Variants in MEIS1 observed in about 807,000 individuals in gnomAD.
MEIS1 encodes the protein homeobox protein Meis1.
In MEIS1, 5 loss-of-function variants were observed where a neutral mutation model predicts 50.8. That is an observed-to-expected ratio of 0.10 (90% CI 0.05 to 0.21). The LOEUF (loss-of-function observed/expected upper bound fraction) is 0.21, where lower values mean the gene tolerates loss of function less well. Ranked by LOEUF, MEIS1 falls within the 10% of genes least tolerant of loss-of-function variation. The pLI, the probability that MEIS1 is intolerant of heterozygous loss-of-function variation, is 1.00. For missense variants in MEIS1, 318 were observed against 517.3 expected (o/e 0.61, Z 3.74); for synonymous variants, 176 against 179.3 (o/e 0.98, Z 0.15).
intron 9 of MEIS1, among the ~76,000 whole-genome samples, chr2:66,564,939 A>G (rs1675309889): frequency 6.6e-6 from 1 of 151,918 alleles, no homozygotes; most frequent in African/African-American, 2.4e-5. Context: ...TTGCACCAAC[A>G]TAAATATTTT....
intron 12 of MEIS1, 36 bp from the exon 13 acceptor site, chr2:66,571,210 T>A: frequency 1.9e-6 from 3 of 1,544,476 alleles, no homozygotes; most frequent in Non-Finnish European, 2.6e-6. Context: ...TTTCATAACA[T>A]TTTCTTTTTG....
At chr2:66,570,959 C>T in intron 12 of MEIS1, 1 of 347,826 alleles carries the variant, frequency 2.9e-6, no homozygotes, top group African/African-American at 2.2e-5. Context: ...AAAAGTGCTT[C>T]TTCAGACCAG....
rs570968899 is a variant in MEIS1, at chr2:66,475,123, C to CAT, written c.742+10913_742+10914dup. Among the ~76,000 whole-genome samples the CAT allele has an allele frequency of 7.9e-3, 1,021 of 128,992 alleles. 13 individuals are homozygous for CAT. The highest frequency in any genetic ancestry group is 0.035 in the African/African-American group (974 of 27,812). The allele number at this position is 128,992 out of a possible 152,430, so 84.6% of individuals were successfully genotyped here. ...AAAAGGATATATTGATTTTAAAATG[C>CAT]ATATATATATACACATATATATATA... is the stretch of plus-strand genomic sequence containing the variant. On this transcript the variant is annotated intron_variant, in intron 7 of 12. Transcript: ENST00000272369.
At chr2:66,484,995 TG>T (rs1462050116) in intron 7 of MEIS1, among the ~76,000 whole-genome samples, 1 of 152,146 alleles carries the variant, frequency 6.6e-6, no homozygotes, top group Non-Finnish European at 1.5e-5. Context: ...AGATTTTTTT[TG>T]GGGGGAAGTT....
At chr2:66,512,123 CA>C in intron 7 of MEIS1, 25 bp from the exon 8 acceptor site, 5 of 1,531,360 alleles carry the variant, frequency 3.3e-6, no homozygotes, top group Non-Finnish European at 4.4e-6. Context: ...TAGCATCAGT[CA>C]AAATTTGATT....
chr2:66,489,619 G>C (rs1673226500), intron 7 of MEIS1, among the ~76,000 whole-genome samples: 1 of 152,212 alleles, frequency 6.6e-6, no homozygotes, highest in South Asian at 2.1e-4. Context: ...TGCTGCAAAA[G>C]CATTGTGCTA....
intron 6 of MEIS1, among the ~76,000 whole-genome samples, chr2:66,451,501 C>A (rs1237832769): frequency 2.6e-5 from 4 of 152,040 alleles, no homozygotes; most frequent in African/African-American, 9.7e-5. Flanking sequence ...AGGCTTATTT[C>A]TCTTCTTTTA....
At chr2:66,449,088 T>A (rs902086396) in intron 6 of MEIS1, among the ~76,000 whole-genome samples, 1 of 152,134 alleles carries the variant, frequency 6.6e-6, no homozygotes, top group African/African-American at 2.4e-5. Flanking sequence ...TATGGGAAAG[T>A]ATTCTTTTAC....
chr2:66,558,279 CAAAAAA>C (rs59017279), intron 9 of MEIS1, among the ~76,000 whole-genome samples: 15 of 57,090 alleles, frequency 2.6e-4, no homozygotes, highest in South Asian at 2.0e-3. Flanking sequence ...AACTCCATCT[CAAAAAA>C]AAAAAAAAAA....
intron 7 of MEIS1, among the ~76,000 whole-genome samples, chr2:66,478,862 CT>C (rs1672953743): frequency 1.1e-4 from 17 of 152,144 alleles, no homozygotes; most frequent in Admixed American, 1.1e-3. Flanking sequence ...AGGAGAAAGC[CT>C]TTTCTTTGGA....
intron 2 of MEIS1, 79 bp from the exon 3 acceptor site, chr2:66,439,764 G>C (rs546610780): frequency 5.3e-5 from 85 of 1,606,152 alleles, no homozygotes; most frequent in Non-Finnish European, 6.7e-5. Flanking sequence ...TGCTCCTCCA[G>C]CTGTTTTTCT....
At chr2:66,437,412 T>G in intron 1 of MEIS1, 1 of 331,310 alleles carries the variant, frequency 3.0e-6, no homozygotes, top group Non-Finnish European at 5.6e-6. Context: ...CCGTTTCACC[T>G]TCTACCCTCG....
intron 8 of MEIS1, among the ~76,000 whole-genome samples, chr2:66,538,136 A>G (rs867675178): frequency 2.6e-5 from 4 of 152,224 alleles, no homozygotes; most frequent in Admixed American, 2.0e-4. Context: ...AGAACAACAT[A>G]GAGTGAATTT....
intron 7 of MEIS1, among the ~76,000 whole-genome samples, chr2:66,486,165 C>T (rs953864762): frequency 1.3e-5 from 2 of 152,182 alleles, no homozygotes; most frequent in Non-Finnish European, 2.9e-5. Flanking sequence ...GTCAGAAACT[C>T]TTTGCCCATG....
intron 7 of MEIS1, among the ~76,000 whole-genome samples, chr2:66,467,647 A>G (rs1163508033): frequency 6.6e-6 from 1 of 152,202 alleles, no homozygotes; most frequent in Non-Finnish European, 1.5e-5. Context: ...GAGAATGTAC[A>G]TAAGATGTGT....
chr2:66,562,971 A>G (rs532129962), intron 9 of MEIS1, among the ~76,000 whole-genome samples: 18 of 152,150 alleles, frequency 1.2e-4, no homozygotes, highest in Non-Finnish European at 2.6e-4. Flanking sequence ...AAGCATACTA[A>G]AAGATTTACT....
Position 66,435,683 on chromosome 2 carries a change from A to C in MEIS1, c.-174A>C. 1 of 550,130 alleles carries C rather than the reference A, an allele frequency of 1.8e-6. No homozygotes were observed. 34.1% of individuals were successfully genotyped at this position (550,130 alleles called of 1,614,324 possible). On this transcript the variant is annotated 5_prime_UTR_variant, in exon 1 of 13. Transcript: ENST00000272369. ...GGGCGCTTTGCTTCAGGTCCCGTAGACCGAAGATCTGGGACCAGTAGCTCA... is the reference window on the plus strand; with the variant it reads ...GGGCGCTTTGCTTCAGGTCCCGTAGCCCGAAGATCTGGGACCAGTAGCTCA...
intron 9 of MEIS1, 125 bp downstream of exon 9, chr2:66,548,144 A>C: frequency 1.2e-6 from 1 of 826,446 alleles, no homozygotes. Context: ...GTTGATTCAA[A>C]AGTGAAAACA....
intron 1 of MEIS1, among the ~76,000 whole-genome samples, chr2:66,436,487 C>G (rs950770208): frequency 6.6e-6 from 1 of 152,128 alleles, no homozygotes; most frequent in Non-Finnish European, 1.5e-5. Context: ...CCCCATATTC[C>G]TTTTTCAATG....
Sources: allele counts gnomAD v4.1 joint callset (sites outside exome capture counted in the v4.1 genomes callset), GRCh38; gene constraint gnomAD v4.1.1; transcripts MANE v1.5; gene names NCBI Gene and HGNC (gene_info 2026-07-23, HGNC 2026-07-21).